LIMS1: variants seen among roughly 807,000 people sequenced by gnomAD.
LIMS1 encodes LIM zinc finger domain containing 1, also known as LIM and senescent cell antigen-like-containing domain protein 1.
In LIMS1, 18 loss-of-function variants were observed where a neutral mutation model predicts 44.1. That is an observed-to-expected ratio of 0.41 (90% CI 0.28 to 0.61). The LOEUF (loss-of-function observed/expected upper bound fraction) is 0.61, where lower values mean the gene tolerates loss of function less well. Ranked by LOEUF, LIMS1 falls within the 20% of genes least tolerant of loss-of-function variation. The pLI is 0.32. For synonymous variants in LIMS1, 93 were observed against 149.1 expected, an observed-to-expected ratio of 0.62 and a Z score of 2.74; for missense variants, 201 against 422.0, an observed-to-expected ratio of 0.48 and a Z score of 4.59.
At chr2:108,562,261 T>C (rs1158183027) in intron 1 of LIMS1, among the ~76,000 whole-genome samples, 4 of 152,188 alleles carry the variant, frequency 2.6e-5, no homozygotes, top group African/African-American at 9.7e-5. Flanking sequence ...TAATAATCTT[T>C]TAAGTGTTAC....
intron 1 of LIMS1, among the ~76,000 whole-genome samples, chr2:108,658,989 A>C (rs1691132207): frequency 6.6e-6 from 1 of 152,256 alleles, no homozygotes; most frequent in African/African-American, 2.4e-5. Flanking sequence ...AATGATCTTT[A>C]TTATGTAAAA....
At chr2:108,567,325 A>G (rs1259049124) in intron 1 of LIMS1, among the ~76,000 whole-genome samples, 1 of 152,038 alleles carries the variant, frequency 6.6e-6, no homozygotes, top group Non-Finnish European at 1.5e-5. Context: ...CTGTGACGGG[A>G]TGGAGTCTCG....
chr2:108,599,504 T>C (rs1443954631), intron 1 of LIMS1, among the ~76,000 whole-genome samples: 1 of 152,158 alleles, frequency 6.6e-6, no homozygotes, highest in African/African-American at 2.4e-5. Context: ...CAGATATCTC[T>C]TTGATATACT....
intron 1 of LIMS1, among the ~76,000 whole-genome samples, chr2:108,594,328 A>G (rs1420682189): frequency 6.6e-6 from 1 of 152,200 alleles, no homozygotes; most frequent in Non-Finnish European, 1.5e-5. Flanking sequence ...CAAGATGACT[A>G]AACCAGCTAC....
intron 1 of LIMS1, among the ~76,000 whole-genome samples, chr2:108,539,384 T>C (rs1364957942): frequency 6.6e-6 from 1 of 152,218 alleles, no homozygotes; most frequent in Non-Finnish European, 1.5e-5. Context: ...TGCACCCAGC[T>C]ACCAGAGTTT....
chr2:108,674,515 G>T (rs1206886138), intron 5 of LIMS1, among the ~76,000 whole-genome samples: 2 of 151,574 alleles, frequency 1.3e-5, no homozygotes, highest in Admixed American at 1.3e-4. Flanking sequence ...GAGGTCAGGA[G>T]ATCGAGACCA....
intron 1 of LIMS1, among the ~76,000 whole-genome samples, chr2:108,578,921 G>C (rs899972395): frequency 1.3e-5 from 2 of 152,030 alleles, no homozygotes; most frequent in African/African-American, 4.8e-5. Context: ...TTTAAATCTA[G>C]TTTACAAAGA....
intron 9 of LIMS1, among the ~76,000 whole-genome samples, chr2:108,683,656 G>T (rs1693154634): frequency 6.6e-6 from 1 of 151,850 alleles, no homozygotes; most frequent in South Asian, 2.1e-4. Flanking sequence ...TACACAGATG[G>T]ATGTATAGAA....
rs1685832776 is a variant in LIMS1, at chr2:108,580,211, G to T, written c.32+45617G>T. On this transcript the variant is annotated intron_variant, in intron 1 of 9. Coordinates refer to ENST00000544547, the Ensembl canonical transcript of LIMS1. ...CCCGGTGTCTCTGCAGAACTTGTGG[G>T]ATGTCTCTATAGAGCAGTGCTCTGA... Among the ~76,000 whole-genome samples the T allele has an allele frequency of 5.3e-5, 8 of 152,350 alleles. No homozygotes were observed. The South Asian group carries it at 1.7e-3, about 32-fold the overall frequency.
At chr2:108,579,162 T>C (rs557476665) in intron 1 of LIMS1, among the ~76,000 whole-genome samples, 1 of 152,326 alleles carries the variant, frequency 6.6e-6, no homozygotes, top group South Asian at 2.1e-4. Context: ...CAAAAACAAC[T>C]TATATTTGAA....
chr2:108,629,059 ATCTATGT>A (rs1688746128), intron 1 of LIMS1, among the ~76,000 whole-genome samples: 1 of 152,194 alleles, frequency 6.6e-6, no homozygotes, highest in African/African-American at 2.4e-5. Context: ...ACCTTTGTCT[ATCTATGT>A]TGCCATCTGC....
At chr2:108,626,395 A>G (rs1426636395) in intron 1 of LIMS1, among the ~76,000 whole-genome samples, 1 of 152,176 alleles carries the variant, frequency 6.6e-6, no homozygotes, top group Middle Eastern at 3.2e-3. Context: ...TCTCTTTGCT[A>G]TAGGAAAGAG....
chr2:108,637,759 A>T (rs1337544455), intron 1 of LIMS1, among the ~76,000 whole-genome samples: 3 of 152,022 alleles, frequency 2.0e-5, no homozygotes. Context: ...GAATGAAAAG[A>T]TAAGTGATTT....
At chr2:108,642,581 G>A (rs1285480697) in intron 1 of LIMS1, among the ~76,000 whole-genome samples, 1 of 151,834 alleles carries the variant, frequency 6.6e-6, no homozygotes, top group Admixed American at 6.6e-5. Flanking sequence ...GGATGGTCTC[G>A]ATCTCCTGAC....
intron 1 of LIMS1, among the ~76,000 whole-genome samples, chr2:108,632,862 TTACTTACAGGCAA>T (rs1417033535): frequency 6.6e-6 from 1 of 152,016 alleles, no homozygotes; most frequent in Non-Finnish European, 1.5e-5. Flanking sequence ...TATAAGCAGT[TTACTTACAGGCAA>T]TCTGTACCTG....
intron 1 of LIMS1, among the ~76,000 whole-genome samples, chr2:108,612,007 CAT>C (rs1174010855): frequency 4.0e-4 from 23 of 57,332 alleles, no homozygotes; most frequent in Admixed American, 9.6e-4. Context: ...TATATACACA[CAT>C]ATATATATAC....
chr2:108,535,523 C>G (rs977171156), intron 1 of LIMS1, among the ~76,000 whole-genome samples: 6 of 152,164 alleles, frequency 3.9e-5, no homozygotes, highest in African/African-American at 9.7e-5. Context: ...GCAGCTGTTA[C>G]CCATTGTAAC....
chr2:108,534,374 C>CCGCCTTCCCGCGCGGCCCGCCT (rs2104555128), exon 1 of LIMS1: 1 of 279,924 alleles, frequency 3.6e-6, no homozygotes, highest in African/African-American at 2.3e-5. Flanking sequence ...CGCCCCTCCC[C>CCGCCTTCCCGCGCGGCCCGCCT]CGCCTTCCCG....
intron 1 of LIMS1, among the ~76,000 whole-genome samples, chr2:108,639,743 G>C (rs1689544955): frequency 6.6e-6 from 1 of 152,196 alleles, no homozygotes; most frequent in South Asian, 2.1e-4. Context: ...GAGTCACCGT[G>C]CCCAGCCGTG....
Sources: allele counts gnomAD v4.1 joint callset (sites outside exome capture counted in the v4.1 genomes callset), GRCh38; gene constraint gnomAD v4.1.1; transcripts MANE v1.5; gene names NCBI Gene and HGNC (gene_info 2026-07-23, HGNC 2026-07-21).